Variants in IKBKB-DT observed in about 807,000 individuals in gnomAD.
IKBKB-DT encodes IKBKB antisense RNA.
intron 2 of IKBKB-DT, among the ~76,000 whole-genome samples, chr8:42,264,359 T>C (rs1246708815): frequency 1.4e-4 from 21 of 151,866 alleles, no homozygotes. Context: ...TCTCCCTATA[T>C]TGCCCAGGCT....
intron 3 of IKBKB-DT, among the ~76,000 whole-genome samples, chr8:42,258,865 C>T (rs1187252849): frequency 6.6e-6 from 1 of 152,116 alleles, no homozygotes; most frequent in Admixed American, 6.6e-5. Context: ...ACTAAGCAAT[C>T]ATTAAGAAAT....
intron 3 of IKBKB-DT, among the ~76,000 whole-genome samples, chr8:42,251,130 A>T (rs1359509791): frequency 6.6e-6 from 1 of 152,150 alleles, no homozygotes; most frequent in African/African-American, 2.4e-5. Flanking sequence ...TTAGAAATAG[A>T]TCATCGGTGC....
At chr8:42,239,272 G>A (rs1186334468) in intron 3 of IKBKB-DT, among the ~76,000 whole-genome samples, 2 of 151,966 alleles carry the variant, frequency 1.3e-5, no homozygotes, top group African/African-American at 4.8e-5. Context: ...CTGTGAGCCT[G>A]GGGTGACCAT....
At chr8:42,252,029 T>A (rs1166651814) in intron 3 of IKBKB-DT, among the ~76,000 whole-genome samples, 1 of 152,140 alleles carries the variant, frequency 6.6e-6, no homozygotes, top group Non-Finnish European at 1.5e-5. Flanking sequence ...CATAAGTGAA[T>A]GCTGGCTGCT....
At chr8:42,243,115 G>A (rs1807024215) in intron 3 of IKBKB-DT, among the ~76,000 whole-genome samples, 1 of 152,206 alleles carries the variant, frequency 6.6e-6, no homozygotes, top group African/African-American at 2.4e-5. Flanking sequence ...CCTCGTGCCA[G>A]CTTAGTGTCT....
chr8:42,255,143 G>A (rs1282291633), intron 3 of IKBKB-DT, among the ~76,000 whole-genome samples: 1 of 152,170 alleles, frequency 6.6e-6, no homozygotes, highest in Non-Finnish European at 1.5e-5. Context: ...GGGAAGTGAG[G>A]AGTGCCACTG....
chr8:42,233,674 T>A (rs185665388), exon 4 of IKBKB-DT: 2 of 152,320 alleles, frequency 1.3e-5, no homozygotes, highest in East Asian at 3.9e-4. Flanking sequence ...AATGCAGAGC[T>A]GGCTGTGCAG....
chr8:42,254,410 C>G (rs1171696513), intron 3 of IKBKB-DT, among the ~76,000 whole-genome samples: 1 of 152,210 alleles, frequency 6.6e-6, no homozygotes, highest in Non-Finnish European at 1.5e-5. Flanking sequence ...AGGAGCGCCT[C>G]TGCCCAGCCA....
chr8:42,246,105 C>T (rs935227364), intron 3 of IKBKB-DT, among the ~76,000 whole-genome samples: 1 of 152,212 alleles, frequency 6.6e-6, no homozygotes, highest in Non-Finnish European at 1.5e-5. Context: ...GGCACAGTCA[C>T]AGCTCACTGC....
At chr8:42,249,677 G>C (rs912656403) in intron 3 of IKBKB-DT, among the ~76,000 whole-genome samples, 1 of 152,132 alleles carries the variant, frequency 6.6e-6, no homozygotes, top group Non-Finnish European at 1.5e-5. Flanking sequence ...CCAGGGACAA[G>C]TTGCTTCACC....
chr8:42,266,632 T>C (rs1807372780), intron 1 of IKBKB-DT, among the ~76,000 whole-genome samples: 2 of 152,186 alleles, frequency 1.3e-5, no homozygotes, highest in African/African-American at 4.8e-5. Flanking sequence ...CCCAGATGGT[T>C]AAGGCATTCT....
At chr8:42,250,451 C>T (rs1334565705) in intron 3 of IKBKB-DT, among the ~76,000 whole-genome samples, 3 of 152,210 alleles carry the variant, frequency 2.0e-5, no homozygotes, top group Non-Finnish European at 4.4e-5. Context: ...TTTACATCTA[C>T]ACCCTAGCAG....
chr8:42,236,937 C>G (rs1363828946), intron 3 of IKBKB-DT, among the ~76,000 whole-genome samples: 1 of 151,190 alleles, frequency 6.6e-6, no homozygotes, highest in Middle Eastern at 3.2e-3. Flanking sequence ...CCAGGCCGGT[C>G]TTGAGCTCTT....
chr8:42,240,341 G>A (rs1305502731), intron 3 of IKBKB-DT, among the ~76,000 whole-genome samples: 1 of 151,138 alleles, frequency 6.6e-6, no homozygotes, highest in African/African-American at 2.4e-5. Flanking sequence ...GCAAGTAATT[G>A]GGGCCAGGCA....
chr8:42,257,250 TC>T (rs1807214446), intron 3 of IKBKB-DT, among the ~76,000 whole-genome samples: 1 of 152,150 alleles, frequency 6.6e-6, no homozygotes, highest in Non-Finnish European at 1.5e-5. Context: ...ATGCCTATAA[TC>T]CCAGCACTTT....
chr8:42,235,200 A>C (rs57590587), intron 3 of IKBKB-DT, among the ~76,000 whole-genome samples: 13,609 of 83,110 alleles, frequency 0.16, 1,184 homozygotes, highest in African/African-American at 0.35. Context: ...CTTTTCTTTT[A>C]TTTTCTTTTT....
intron 3 of IKBKB-DT, among the ~76,000 whole-genome samples, chr8:42,263,164 A>G (rs1338547867): frequency 1.3e-5 from 2 of 151,632 alleles, no homozygotes; most frequent in Non-Finnish European, 2.9e-5. Context: ...GGTGTGAGTC[A>G]CTATGCCTGG....
intron 3 of IKBKB-DT, among the ~76,000 whole-genome samples, chr8:42,251,771 G>A (rs1465150811): frequency 3.3e-5 from 5 of 149,828 alleles, no homozygotes; most frequent in African/African-American, 1.0e-4. Context: ...AGAGGTTGCC[G>A]TGAGCTGAGA....
At chr8:42,263,086 AG>A (rs1195315485) in intron 3 of IKBKB-DT, among the ~76,000 whole-genome samples, 1 of 152,044 alleles carries the variant, frequency 6.6e-6, no homozygotes, top group Non-Finnish European at 1.5e-5. Flanking sequence ...CATCTTGCCC[AG>A]GGTGGTCTCA....
Sources: gnomAD v4.1 joint callset for allele counts (sites outside exome capture counted in the v4.1 genomes callset) on GRCh38, gnomAD v4.1.1 for gene constraint, MANE v1.5 for transcripts, NCBI Gene and HGNC (gene_info 2026-07-23, HGNC 2026-07-21) for gene names.